The following SNRPN variants were observed in gnomAD, a reference collection of about 807,000 sequenced individuals.
The protein encoded by SNRPN is small nuclear ribonucleoprotein-associated protein N.
Under a neutral mutation model 25.2 loss-of-function variants are expected in SNRPN, and 7 were observed. That is an observed-to-expected ratio of 0.28 (90% CI 0.16 to 0.52). The LOEUF (loss-of-function observed/expected upper bound fraction) is 0.52, where lower values mean the gene tolerates loss of function less well. Ranked by LOEUF, SNRPN falls within the 20% of genes least tolerant of loss-of-function variation. SNRPN has a pLI of 0.96. For synonymous variants in SNRPN, 124 were observed against 110.6 expected (o/e 1.12, Z -0.76); for missense variants, 196 against 322.5 (o/e 0.61, Z 3.00).
At chr15:24,877,661 A>AAC (rs72120147) in intron 1 of SNRPN, among the ~76,000 whole-genome samples, 1,903 of 144,728 alleles carry the variant, frequency 0.013, 21 homozygotes, top group African/African-American at 0.029. Flanking sequence ...ATCTCTACAA[A>AAC]ACACACACAC....
chr15:24,961,691 C>T (rs534762339), intron 1 of SNRPN, among the ~76,000 whole-genome samples: 1 of 152,050 alleles, frequency 6.6e-6, no homozygotes, highest in Non-Finnish European at 1.5e-5. Context: ...TTCTATTCCA[C>T]TATATAAGTA....
At chr15:24,899,085 AG>A (rs1463976420) in intron 2 of SNRPN, among the ~76,000 whole-genome samples, 5 of 152,216 alleles carry the variant, frequency 3.3e-5, no homozygotes, top group Admixed American at 6.5e-5. Flanking sequence ...AAAGGCCACA[AG>A]GGGTTTTAGA....
At chr15:24,954,223 C>T (rs1469140198), upstream of SNRPN, among the ~76,000 whole-genome samples, 2 of 152,050 alleles carry the variant, frequency 1.3e-5, no homozygotes, top group African/African-American at 4.8e-5. Flanking sequence ...ATAAAAGTGC[C>T]TGTTTCTCCC....
In SNRPN at chr15:24,895,411, A is replaced by G. The variant is rs996705442; in HGVS notation, c.-505+8822A>G. ...AAAAAATACACCCAAACACACACAC[A>G]CACACACACACACACACACACACAC... On this transcript the variant is annotated intron_variant, in intron 2 of 11. Transcript: ENST00000400097. Among the ~76,000 whole-genome samples, 733 of 101,526 alleles carry G rather than the reference A, an allele frequency of 7.2e-3. 12 individuals carry two copies. The highest frequency in any genetic ancestry group is 0.031 in the African/African-American group (686 of 21,830). 66.6% of individuals were successfully genotyped at this position (101,526 alleles called of 152,430 possible). A position where few individuals can be genotyped will look rare whatever the true frequency, so the allele number is the denominator to read the frequency against.
At chr15:24,952,463 C>G (rs1415702234), upstream of SNRPN, among the ~76,000 whole-genome samples, 1 of 152,150 alleles carries the variant, frequency 6.6e-6, no homozygotes, top group East Asian at 1.9e-4. Flanking sequence ...TGTATCTTCA[C>G]TCCCCAGTTG....
chr15:24,848,048 T>A (rs1337019339), intron 2 of SNRPN, among the ~76,000 whole-genome samples: 1 of 151,974 alleles, frequency 6.6e-6, no homozygotes, highest in Non-Finnish European at 1.5e-5. Flanking sequence ...GTGCATTCGC[T>A]CATGTCTCCG....
chr15:24,828,608 G>A (rs1443870004), intron 1 of SNRPN, among the ~76,000 whole-genome samples: 1 of 152,122 alleles, frequency 6.6e-6, no homozygotes, highest in Non-Finnish European at 1.5e-5. Context: ...TAGAAGGATA[G>A]TAAGTAATAA....
chr15:24,861,336 A>G (rs1289814183), intron 1 of SNRPN, among the ~76,000 whole-genome samples: 1 of 152,212 alleles, frequency 6.6e-6, no homozygotes, highest in Non-Finnish European at 1.5e-5. Flanking sequence ...TGTCCTGAAT[A>G]CTATAAGCAA....
chr15:24,921,844 A>T (rs1430769188), intron 3 of SNRPN, among the ~76,000 whole-genome samples: 1 of 152,126 alleles, frequency 6.6e-6, no homozygotes, highest in African/African-American at 2.4e-5. Flanking sequence ...TTGAGTACTT[A>T]TTCTGTATCA....
In SNRPN at chr15:24,931,838, CAAAAAAAAAAA is replaced by C. The variant is rs71127026; in HGVS notation, c.-391+11734_-391+11744del. On this transcript the variant is annotated intron_variant, in intron 3 of 11. Coordinates refer to the SNRPN transcript ENST00000400097. ...TGGGTGACAGAGTGAGAACCTGTCT[CAAAAAAAAAAA>C]AAAAAAAAAAAAAAAAAAAGACTTT... Among the ~76,000 whole-genome samples, 15 of 42,984 alleles carry C rather than the reference CAAAAAAAAAAA, an allele frequency of 3.5e-4. 1 individual carries two copies. Among genetic ancestry groups the C allele is most frequent in the East Asian group, 2.4e-3 (3 of 1,226 alleles). The allele number at this position is 42,984 out of a possible 152,430, so 28.2% of individuals were successfully genotyped here.
At position 24,918,342 on chromosome 15, in the gene SNRPN, A is replaced by ATATATATAACATTATATATATGTG. The variant is rs749615940; in HGVS notation, c.-504-1661_-504-1660insACATTATATATATGTGTATATATA. 8.5e-4 allele frequency among the ~76,000 whole-genome samples: 40 copies of ATATATATAACATTATATATATGTG among 47,096 alleles called. 2 individuals are homozygous for ATATATATAACATTATATATATGTG. The highest frequency in any genetic ancestry group is 2.2e-3 in the African/African-American group (25 of 11,480). 30.9% of individuals were successfully genotyped at this position (47,096 alleles called of 152,430 possible). On this transcript the variant is annotated intron_variant, in intron 2 of 11. Transcript: ENST00000400097. Reference sequence around the variant, plus strand: ...TATATATAACATAATATATATGTGTATATATATATAACATTATATATATGT... The same window carrying ATATATATAACATTATATATATGTG: ...TATATATAACATAATATATATGTGTATATATATAACATTATATATATGTGTATATATATAACATTATATATATGT...
At chr15:24,970,360 A>G (rs2076245022) in intron 3 of SNRPN, among the ~76,000 whole-genome samples, 2 of 152,104 alleles carry the variant, frequency 1.3e-5, no homozygotes, top group South Asian at 4.1e-4. Context: ...CAGGTGGATC[A>G]CCTGAGGTCA....
At chr15:24,837,456 C>T (rs946278420) in intron 2 of SNRPN, among the ~76,000 whole-genome samples, 2 of 151,566 alleles carry the variant, frequency 1.3e-5, no homozygotes, top group African/African-American at 2.4e-5. Context: ...GCAAGCTCCG[C>T]CTCCTGGGTT....
chr15:24,864,718 AAAT>A (rs1453919879), intron 1 of SNRPN, among the ~76,000 whole-genome samples: 1 of 151,928 alleles, frequency 6.6e-6, no homozygotes, highest in Non-Finnish European at 1.5e-5. Context: ...TGCATTCTAC[AAAT>A]TTTGATAAGA....
chr15:24,971,291 C>T (rs1368358399), intron 3 of SNRPN, among the ~76,000 whole-genome samples: 46 of 152,100 alleles, frequency 3.0e-4, no homozygotes, highest in Admixed American at 2.9e-3. Context: ...CTACTCTCGT[C>T]GCCTTTCTCA....
intron 1 of SNRPN, among the ~76,000 whole-genome samples, chr15:24,868,718 GT>G: frequency 6.6e-6 from 1 of 152,270 alleles, no homozygotes; most frequent in East Asian, 1.9e-4. Flanking sequence ...CCAGTCAGGT[GT>G]TTTGTGGAAT....
chr15:24,916,076 A>T (rs576304893), intron 2 of SNRPN, among the ~76,000 whole-genome samples: 1 of 145,050 alleles, frequency 6.9e-6, no homozygotes, highest in Non-Finnish European at 1.5e-5. Flanking sequence ...GATTCAAGTG[A>T]TTCTCCTGCC....
At chr15:24,959,338 A>G (rs1156553743) in intron 1 of SNRPN, among the ~76,000 whole-genome samples, 1 of 152,200 alleles carries the variant, frequency 6.6e-6, no homozygotes, top group African/African-American at 2.4e-5. Flanking sequence ...AAAAATAAGT[A>G]GATTTAAGCC....
At chr15:24,830,138 A>G (rs2050399065) in intron 2 of SNRPN, among the ~76,000 whole-genome samples, 1 of 152,070 alleles carries the variant, frequency 6.6e-6, no homozygotes, top group Non-Finnish European at 1.5e-5. Context: ...TTTCTACCAC[A>G]CGTAACCATG....
Sources: gnomAD v4.1 joint callset for allele counts (sites outside exome capture counted in the v4.1 genomes callset) on GRCh38, gnomAD v4.1.1 for gene constraint, MANE v1.5 for transcripts, NCBI Gene and HGNC (gene_info 2026-07-23, HGNC 2026-07-21) for gene names.